CACNG4: variants seen among roughly 807,000 people sequenced by gnomAD.
The protein encoded by CACNG4 is voltage-dependent calcium channel gamma-4 subunit.
A neutral mutation model predicts 22.9 loss-of-function variants in CACNG4; 8 were observed. The observed-to-expected ratio is 0.35, with a 90% CI of 0.21 to 0.63. The LOEUF (loss-of-function observed/expected upper bound fraction) is 0.63. Ranked by LOEUF, CACNG4 falls within the 30% of genes least tolerant of loss-of-function variation. CACNG4 has a pLI of 0.72. For synonymous variants in CACNG4, 188 were observed against 191.9 expected, an observed-to-expected ratio of 0.98 and a Z score of 0.17; for missense variants, 357 against 455.4, an observed-to-expected ratio of 0.78 and a Z score of 1.97.
At chr17:67,014,327 G>A (rs9901798) in intron 1 of CACNG4, among the ~76,000 whole-genome samples, 32,122 of 152,132 alleles carry the variant, frequency 0.21, 7,645 homozygotes, top group African/African-American at 0.59. Context: ...CCCTAGGCCA[G>A]CGCTAACGAA....
chr17:67,029,780 ACT>A (rs1326972096), intron 3 of CACNG4, among the ~76,000 whole-genome samples: 1 of 152,054 alleles, frequency 6.6e-6, no homozygotes, highest in African/African-American at 2.4e-5. Flanking sequence ...AGTATATGAA[ACT>A]CTCTGGACCT....
At chr17:67,014,943 C>CAAAAAA (rs1163062678) in intron 1 of CACNG4, among the ~76,000 whole-genome samples, 2 of 95,350 alleles carry the variant, frequency 2.1e-5, no homozygotes, top group African/African-American at 5.9e-5. Context: ...TCTCCAAAAA[C>CAAAAAA]AAAAAAAAAA....
At position 66,964,791 on chromosome 17, in the gene CACNG4, G is replaced by C. The variant is rs915539541; in HGVS notation, c.-121G>C. 6 of 288,706 alleles carry C rather than the reference G, an allele frequency of 2.1e-5. No individual in the cohort carries two copies. Among genetic ancestry groups the C allele is most frequent in the Middle Eastern group, 1.8e-3 (1 of 564 alleles). 17.9% of individuals were successfully genotyped at this position (288,706 alleles called of 1,614,324 possible). On this transcript the variant is annotated 5_prime_UTR_variant, in exon 1 of 4. Transcript: ENST00000262138. ...GGCGCGGGGTCGGAGCGCGCAGCGC[G>C]GCGCCGCCCCCCGGCCCTCGGCCCC... is the stretch of plus-strand genomic sequence containing the variant.
Position 66,965,183 on chromosome 17 carries a change from CACAT to C in CACNG4, c.220+54_220+57del, listed in dbSNP as rs771320606. ...CCCCACACACACACACACACACACA[CACAT>C]ATACACACGCGCGCGCGCGCGCGCG... On this transcript the variant is annotated intron_variant, in intron 1 of 3. Transcript: ENST00000262138. 262 of 1,048,600 alleles carry C rather than the reference CACAT, an allele frequency of 2.5e-4. 1 individual carries two copies. The highest frequency in any genetic ancestry group is 6.0e-4 in the Middle Eastern group (2 of 3,334). 65.0% of individuals were successfully genotyped at this position (1,048,600 alleles called of 1,614,324 possible). A position where few individuals can be genotyped will look rare whatever the true frequency, so the allele number is the denominator to read the frequency against.
intron 1 of CACNG4, among the ~76,000 whole-genome samples, chr17:66,965,785 G>C (rs1057162307): frequency 6.6e-6 from 1 of 152,080 alleles, no homozygotes; most frequent in African/African-American, 2.4e-5. Context: ...AGGGTAGCTG[G>C]GTAGGCCCAG....
intron 2 of CACNG4, chr17:67,019,951 G>A (rs939689635): frequency 1.3e-5 from 2 of 152,280 alleles, no homozygotes; most frequent in South Asian, 2.1e-4. Context: ...GGATGTTTAC[G>A]GAAGGACTAT....
At chr17:67,021,839 T>C (rs971781923) in intron 2 of CACNG4, 2 of 152,306 alleles carry the variant, frequency 1.3e-5, no homozygotes, top group Non-Finnish European at 2.9e-5. Context: ...CTGCCAGGGC[T>C]TGATATGGCC....
chr17:66,997,165 G>A (rs1358212177), intron 1 of CACNG4, among the ~76,000 whole-genome samples: 1 of 152,168 alleles, frequency 6.6e-6, no homozygotes, highest in African/African-American at 2.4e-5. Flanking sequence ...GTGGTTTTGA[G>A]GGAAGCAGCA....
At chr17:67,023,298 C>T (rs1261202131) in intron 2 of CACNG4, among the ~76,000 whole-genome samples, 71 of 98,956 alleles carry the variant, frequency 7.2e-4, no homozygotes, top group Non-Finnish European at 1.2e-3. Flanking sequence ...TTTTTTGAGA[C>T]AGAGTCTCGC....
At chr17:66,966,283 G>T (rs925856737) in intron 1 of CACNG4, among the ~76,000 whole-genome samples, 1 of 152,220 alleles carries the variant, frequency 6.6e-6, no homozygotes, top group African/African-American at 2.4e-5. Flanking sequence ...GCTTAAGCGT[G>T]GCGCTCAGAT....
intron 1 of CACNG4, 149 bp from the exon 2 acceptor site, chr17:67,018,040 C>T (rs2035510728): frequency 1.6e-6 from 1 of 640,776 alleles, no homozygotes. Flanking sequence ...CGTGCCCCCA[C>T]CAGACTGGAA....
At chr17:67,013,434 C>A (rs1311909271) in intron 1 of CACNG4, among the ~76,000 whole-genome samples, 1 of 152,168 alleles carries the variant, frequency 6.6e-6, no homozygotes, top group African/African-American at 2.4e-5. Flanking sequence ...TTGCTCATTA[C>A]TCTATCGCTC....
intron 1 of CACNG4, among the ~76,000 whole-genome samples, chr17:67,004,868 C>T (rs893195872): frequency 3.9e-5 from 6 of 152,122 alleles, no homozygotes; most frequent in East Asian, 1.9e-4. Context: ...GGACTATAAG[C>T]GTGCACCACC....
At chr17:66,972,951 C>CA (rs562233270) in intron 1 of CACNG4, among the ~76,000 whole-genome samples, 22 of 148,638 alleles carry the variant, frequency 1.5e-4, no homozygotes, top group African/African-American at 4.0e-4. Context: ...AACAAACAAA[C>CA]AAAAAAAACA....
At chr17:67,015,446 G>A (rs61316862) in intron 1 of CACNG4, among the ~76,000 whole-genome samples, 61 of 152,290 alleles carry the variant, frequency 4.0e-4, no homozygotes, top group African/African-American at 1.4e-3. Context: ...CAAGTGTTCT[G>A]TATCCTGACT....
intron 1 of CACNG4, among the ~76,000 whole-genome samples, chr17:67,005,169 A>G (rs7225173): frequency 0.15 from 23,326 of 152,156 alleles, 4,462 homozygotes; most frequent in African/African-American, 0.45. Flanking sequence ...AAAAACTCCC[A>G]AAAGTCCCTT....
intron 1 of CACNG4, among the ~76,000 whole-genome samples, chr17:66,999,891 G>A (rs560475645): frequency 5.3e-4 from 81 of 152,336 alleles, no homozygotes; most frequent in African/African-American, 1.6e-3. Flanking sequence ...GCGGCCTCCC[G>A]AGGGAAGGGC....
chr17:66,982,135 T>C (rs1000894688), intron 1 of CACNG4, among the ~76,000 whole-genome samples: 2 of 152,154 alleles, frequency 1.3e-5, no homozygotes, highest in Non-Finnish European at 2.9e-5. Context: ...AGCAGCTAGA[T>C]TTACTGTGAA....
chr17:67,026,884 C>A lies in CACNG4; in HGVS notation c.445+1884C>A, dbSNP rs1322577577. Among the ~76,000 whole-genome samples the A allele has an allele frequency of 2.0e-5, 3 of 151,884 alleles. No individual in the cohort carries two copies. The East Asian group carries it at 5.8e-4, about 29-fold the overall frequency. ...CCTGGACAGGTCCCCCCGCCCTTCC[C>A]TTCTTCCCCCCACCTCCTTTCTCTC... On this transcript the variant is annotated intron_variant, in intron 3 of 3. Transcript: ENST00000262138.
Sources: allele counts gnomAD v4.1 joint callset (sites outside exome capture counted in the v4.1 genomes callset), GRCh38; gene constraint gnomAD v4.1.1; transcripts MANE v1.5; gene names NCBI Gene and HGNC (gene_info 2026-07-23, HGNC 2026-07-21).